The following FBXO4 variants were observed in gnomAD, a reference collection of about 807,000 sequenced individuals.
The protein encoded by FBXO4 is F-box protein 4.
In FBXO4, 36 loss-of-function variants were observed where a neutral mutation model predicts 43.7. The observed-to-expected ratio is 0.82, with a 90% confidence interval of 0.63 to 1.09. FBXO4 has a LOEUF of 1.09. Among genes scored for constraint, FBXO4 ranks in the 50% least tolerant of loss-of-function variants. FBXO4 has a pLI of 0.00. For synonymous variants in FBXO4, 180 were observed against 165.6 expected (o/e 1.09, Z -0.67); for missense variants, 435 against 474.1 (o/e 0.92, Z 0.77).
the FBXO4 span, among the ~76,000 whole-genome samples, chr5:41,995,116 C>T: frequency 6.6e-6 from 1 of 152,198 alleles, no homozygotes; most frequent in Admixed American, 6.5e-5. Flanking sequence ...TGATGGGGAA[C>T]ATGGTAAGAC....
At chr5:42,025,393 A>AT in the FBXO4 span, among the ~76,000 whole-genome samples, 1 of 150,354 alleles carries the variant, frequency 6.7e-6, no homozygotes, top group African/African-American at 2.4e-5. Flanking sequence ...GCCCATTTTG[A>AT]TTTTTTTCCT....
chr5:42,001,803 T>C, the FBXO4 span, among the ~76,000 whole-genome samples: 2 of 152,146 alleles, frequency 1.3e-5, no homozygotes, highest in African/African-American at 4.8e-5. Context: ...GCAATTCTCC[T>C]GCTCAGCCTC....
intron 3 of FBXO4, 133 bp downstream of exon 3, chr5:41,930,050 C>T (rs1751635010): frequency 1.5e-6 from 1 of 677,974 alleles, no homozygotes; most frequent in Non-Finnish European, 2.4e-6. Flanking sequence ...GGAGCCCTAC[C>T]AGGTTCCACT....
the FBXO4 span, among the ~76,000 whole-genome samples, chr5:41,982,783 AGGTATACACGTGCCAT>A: frequency 6.6e-6 from 1 of 152,068 alleles, no homozygotes; most frequent in Non-Finnish European, 1.5e-5. Flanking sequence ...TTTGTTACAT[AGGTATACACGTGCCAT>A]GGTGTTTTAC....
the FBXO4 span, among the ~76,000 whole-genome samples, chr5:42,038,351 C>T: frequency 6.6e-6 from 1 of 151,982 alleles, no homozygotes; most frequent in Admixed American, 6.6e-5. Context: ...TTTCATTAAA[C>T]GATTGTTTCC....
the FBXO4 span, chr5:41,951,771 G>A: frequency 4.8e-6 from 1 of 208,312 alleles, no homozygotes. Context: ...ATGGTAGACA[G>A]GTTAGCATAA....
the FBXO4 span, among the ~76,000 whole-genome samples, chr5:41,996,071 T>TCC: frequency 6.6e-6 from 1 of 152,110 alleles, no homozygotes; most frequent in Non-Finnish European, 1.5e-5. Flanking sequence ...CACAGGGAAC[T>TCC]CCCCATGAGG....
At chr5:41,991,473 C>T in the FBXO4 span, among the ~76,000 whole-genome samples, 4 of 152,198 alleles carry the variant, frequency 2.6e-5, no homozygotes, top group Non-Finnish European at 5.9e-5. Flanking sequence ...ACCCCACATA[C>T]ATTCCTGGGT....
At chr5:42,022,607 CT>C in the FBXO4 span, among the ~76,000 whole-genome samples, 1 of 152,054 alleles carries the variant, frequency 6.6e-6, no homozygotes. Context: ...TTATGAGTAC[CT>C]CCTAAAGGTG....
At chr5:41,943,631 G>A (rs1752035807), downstream of FBXO4, among the ~76,000 whole-genome samples, 1 of 151,882 alleles carries the variant, frequency 6.6e-6, no homozygotes, top group South Asian at 2.1e-4. Flanking sequence ...ATGTTTAGAT[G>A]GTCATATAAA....
the FBXO4 span, among the ~76,000 whole-genome samples, chr5:41,983,051 TC>T: frequency 6.6e-5 from 10 of 152,184 alleles, no homozygotes; most frequent in Admixed American, 5.9e-4. Context: ...CGTGAACTCA[TC>T]CTTTTTTATG....
chr5:41,955,042 T>A, the FBXO4 span, among the ~76,000 whole-genome samples: 26 of 152,184 alleles, frequency 1.7e-4, no homozygotes, highest in African/African-American at 6.0e-4. Context: ...TCACAGGGAA[T>A]GCAGGAATGT....
chr5:41,981,719 G>T, the FBXO4 span, among the ~76,000 whole-genome samples: 764 of 145,590 alleles, frequency 5.2e-3, 7 homozygotes, highest in African/African-American at 0.018. Context: ...CTTTTTTTTG[G>T]TTTTTGGTTT....
chr5:42,024,694 C>T, the FBXO4 span, among the ~76,000 whole-genome samples: 2,434 of 152,138 alleles, frequency 0.016, 122 homozygotes, highest in East Asian at 0.1. Flanking sequence ...TGCCTCTCCA[C>T]CACCCACTCA....
the FBXO4 span, among the ~76,000 whole-genome samples, chr5:42,037,327 A>G: frequency 6.6e-6 from 1 of 151,934 alleles, no homozygotes; most frequent in Admixed American, 6.6e-5. Context: ...CCCGTCCCCC[A>G]CCTTCTTTTT....
chr5:41,960,400 T>C, the FBXO4 span, among the ~76,000 whole-genome samples: 198 of 152,236 alleles, frequency 1.3e-3, no homozygotes, highest in African/African-American at 4.6e-3. Context: ...AACAGAAGTG[T>C]CAATAATGAA....
the FBXO4 span, among the ~76,000 whole-genome samples, chr5:41,974,501 T>C: frequency 1.6e-4 from 24 of 152,286 alleles, no homozygotes; most frequent in Non-Finnish European, 2.6e-4. Context: ...CAATCTATTT[T>C]TAAGTTTACT....
the FBXO4 span, among the ~76,000 whole-genome samples, chr5:42,017,307 G>A: frequency 4.6e-5 from 7 of 152,000 alleles, no homozygotes; most frequent in African/African-American, 1.7e-4. Flanking sequence ...ATATCAAACG[G>A]AAGAGAAATA....
chr5:41,939,257 C>T (rs1751933662), intron 5 of FBXO4, 184 bp from the exon 6 acceptor site: 2 of 489,768 alleles, frequency 4.1e-6, no homozygotes, highest in Non-Finnish European at 7.2e-6. Context: ...AAAGGAACTA[C>T]CTGTATCAAG....
Sources: allele counts gnomAD v4.1 joint callset (sites outside exome capture counted in the v4.1 genomes callset), GRCh38; gene constraint gnomAD v4.1.1; transcripts MANE v1.5; gene names NCBI Gene and HGNC (gene_info 2026-07-23, HGNC 2026-07-21).